The following MOK variants were observed in gnomAD, a reference collection of about 807,000 sequenced individuals.
The protein encoded by MOK is MOK protein kinase, also known as MAPK/MAK/MRK overlapping kinase.
A neutral mutation model predicts 54.2 loss-of-function variants in MOK; 59 were observed. The ratio of observed to expected loss-of-function variants is 1.09; its 90% confidence interval spans 0.88 to 1.35. MOK has a LOEUF of 1.35. Ranked by LOEUF, MOK falls within the 40% of genes most tolerant of loss-of-function variation. The probability of loss-of-function intolerance (pLI) is 0.00; values close to 1 mark genes in which losing one functional copy is unlikely to be tolerated. For synonymous variants in MOK, 210 were observed against 202.7 expected, an observed-to-expected ratio of 1.04 and a Z score of -0.31; for missense variants, 517 against 526.2, an observed-to-expected ratio of 0.98 and a Z score of 0.17.
At chr14:102,292,247 G>A (rs888489573) in intron 1 of MOK, among the ~76,000 whole-genome samples, 1 of 152,152 alleles carries the variant, frequency 6.6e-6, no homozygotes, top group Middle Eastern at 3.4e-3. Context: ...GCTGAGGCGG[G>A]TGGATCACAA....
intron 1 of MOK, among the ~76,000 whole-genome samples, chr14:102,292,576 C>T (rs189765724): frequency 1.4e-3 from 213 of 152,116 alleles, no homozygotes; most frequent in African/African-American, 5.0e-3. Context: ...CTTCCAGGAC[C>T]GGCCTGGGAA....
At chr14:102,268,847 G>A (rs111915552) in intron 2 of MOK, among the ~76,000 whole-genome samples, 135 of 151,660 alleles carry the variant, frequency 8.9e-4, no homozygotes, top group Middle Eastern at 3.4e-3. Context: ...CCTGGGAGGT[G>A]GAGCTTGCAG....
intron 4 of MOK, 146 bp downstream of exon 4, chr14:102,263,400 C>T: frequency 2.2e-6 from 1 of 460,332 alleles, no homozygotes; most frequent in East Asian, 3.6e-5. Flanking sequence ...AGAAAAATGC[C>T]TCCTGGTGAA....
intron 1 of MOK, among the ~76,000 whole-genome samples, chr14:102,299,809 C>A (rs1019970550): frequency 6.6e-6 from 1 of 152,124 alleles, no homozygotes; most frequent in Non-Finnish European, 1.5e-5. Flanking sequence ...GTCTCAGACT[C>A]CTGGATTTAA....
In MOK at chr14:102,240,905, G is replaced by A. The variant is rs542462605; in HGVS notation, c.591-7116C>T. Among the ~76,000 whole-genome samples the A allele has an allele frequency of 1.3e-5, 2 of 152,170 alleles. No homozygotes were observed. Among genetic ancestry groups the A allele is most frequent in the East Asian group, 3.9e-4 (2 of 5,180 alleles). On this transcript the variant is annotated intron_variant, in intron 7 of 11. Coordinates refer to ENST00000361847, the MANE Select transcript of MOK (RefSeq NM_014226.3). This position sits in a 1 kb window ranked among gnomAD's most constrained non-coding sequence, Gnocchi z 5.4. ...TCCATTCCCCCTTCTTCTTCCTTAG[G>A]CTGTATTCTCAAAAACTTAAAACCT...
chr14:102,302,387 T>A (rs978729308), intron 1 of MOK, among the ~76,000 whole-genome samples: 10 of 151,922 alleles, frequency 6.6e-5, no homozygotes, highest in African/African-American at 1.9e-4. Context: ...AATGTAAATT[T>A]TATATATATA....
chr14:102,262,720 T>C (rs1329768976), intron 4 of MOK, among the ~76,000 whole-genome samples: 2 of 152,224 alleles, frequency 1.3e-5, no homozygotes, highest in African/African-American at 4.8e-5. Context: ...TTGGCTCAAA[T>C]TGTAAGATAA....
Position 102,296,279 on chromosome 14 carries a change from C to CA in MOK, c.7+8682dup, listed in dbSNP as rs796388466. Among the ~76,000 whole-genome samples, 577 of 140,472 alleles carry CA rather than the reference C, an allele frequency of 4.1e-3. 4 individuals are homozygous for CA. Among genetic ancestry groups the CA allele is most frequent in the African/African-American group, 0.013 (495 of 38,278 alleles). The allele number at this position is 140,472 out of a possible 152,430, so 92.2% of individuals were successfully genotyped here. On this transcript the variant is annotated intron_variant, in intron 1 of 11. Coordinates refer to ENST00000361847, the MANE Select transcript of MOK (RefSeq NM_014226.3). ...AAAAAAAAAATAGCAAGATCTATTA[C>CA]AAAAAAAAAACTATGTTCAAGCATC... is the stretch of plus-strand genomic sequence containing the variant.
rs9989194 is a variant in MOK, at chr14:102,281,565, C to T, written c.122+1913G>A. ...ACTGTTCAAAATCCTGTACTGGCAA[C>T]TTTGGGTCAAAGGTGGCTGTTTAAG... is the stretch of plus-strand genomic sequence containing the variant. On this transcript the variant is annotated intron_variant, in intron 2 of 11. Transcript: ENST00000361847. Among the ~76,000 whole-genome samples the T allele has an allele frequency of 5.5e-3, 806 of 147,352 alleles. 9 individuals carry two copies. Among genetic ancestry groups the T allele is most frequent in the African/African-American group, 0.019 (770 of 40,092 alleles).
intron 4 of MOK, among the ~76,000 whole-genome samples, chr14:102,254,986 A>C (rs1244342930): frequency 6.6e-6 from 1 of 152,212 alleles, no homozygotes; most frequent in Non-Finnish European, 1.5e-5. Context: ...GAAACGTGGA[A>C]TCTTTTAGGA....
chr14:102,258,893 C>G (rs562895396), intron 4 of MOK, among the ~76,000 whole-genome samples: 1 of 152,170 alleles, frequency 6.6e-6, no homozygotes, highest in South Asian at 2.1e-4. Flanking sequence ...AGTGAAACCC[C>G]GTCTCTACTA....
At chr14:102,242,526 T>TC (rs373842823) in intron 7 of MOK, among the ~76,000 whole-genome samples, 1 of 546 alleles carries the variant, frequency 1.8e-3, no homozygotes, top group Non-Finnish European at 4.1e-3. Flanking sequence ...ACCTCTACTC[T>TC]CCCCTGGCAA....
At chr14:102,242,371 A>G (rs2065787725) in intron 7 of MOK, among the ~76,000 whole-genome samples, 1 of 152,118 alleles carries the variant, frequency 6.6e-6, no homozygotes, top group African/African-American at 2.4e-5. Flanking sequence ...CTCCCTTATT[A>G]GGTGGAGACA....
intron 1 of MOK, among the ~76,000 whole-genome samples, chr14:102,294,469 G>A (rs1240233448): frequency 2.0e-5 from 3 of 150,510 alleles, no homozygotes; most frequent in Non-Finnish European, 3.0e-5. Context: ...AAAAAAATTA[G>A]CCAGGCATCG....
At chr14:102,222,527 G>T (rs922036567), downstream of MOK, among the ~76,000 whole-genome samples, 3 of 152,198 alleles carry the variant, frequency 2.0e-5, no homozygotes, top group Non-Finnish European at 2.9e-5. The surrounding 1 kb of genome is among the most constrained non-coding windows in gnomAD (Gnocchi z 4.4). Context: ...AAGCTCCAAA[G>T]AACCTGTTCT....
At chr14:102,283,353 C>A in intron 2 of MOK, 125 bp downstream of exon 2, 1 of 620,486 alleles carries the variant, frequency 1.6e-6, no homozygotes, top group Non-Finnish European at 2.8e-6. Flanking sequence ...ACCCTCACTG[C>A]CCAAAGAAAT....
chr14:102,216,841 G>A, the MOK span, among the ~76,000 whole-genome samples: 1 of 152,186 alleles, frequency 6.6e-6, no homozygotes, highest in Non-Finnish European at 1.5e-5. Context: ...GAGGCACCAT[G>A]AAAATCACTT....
intron 6 of MOK, 106 bp downstream of exon 6, chr14:102,251,650 A>G (rs765103076): frequency 2.3e-6 from 2 of 874,870 alleles, no homozygotes; most frequent in South Asian, 2.8e-5. Flanking sequence ...CAGGCTGTCT[A>G]GCCGCATGGA....
chr14:102,233,496 C>T (rs1023461964), intron 8 of MOK, 192 bp downstream of exon 8: 1 of 574,302 alleles, frequency 1.7e-6, no homozygotes, highest in Non-Finnish European at 3.1e-6. Context: ...GAAGAGCTCA[C>T]CTTTGAGACC....
Sources: gnomAD v4.1 joint callset for allele counts (sites outside exome capture counted in the v4.1 genomes callset) on GRCh38, gnomAD v4.1.1 for gene constraint, Gnocchi (gnomAD v3.1) non-coding constraint, MANE v1.5 for transcripts, NCBI Gene and HGNC (gene_info 2026-07-23, HGNC 2026-07-21) for gene names.